MYLK: variants seen among roughly 807,000 people sequenced by gnomAD.
MYLK encodes the protein myosin light chain kinase.
Under a neutral mutation model 203.4 loss-of-function variants are expected in MYLK, and 106 were observed. The observed-to-expected ratio is 0.52, with a 90% CI of 0.45 to 0.61. The LOEUF (loss-of-function observed/expected upper bound fraction) is 0.61, where lower values mean the gene tolerates loss of function less well. Ranked by LOEUF, MYLK falls within the 20% of genes least tolerant of loss-of-function variation. The probability of loss-of-function intolerance (pLI) is 0.00; values close to 1 mark genes in which losing one functional copy is unlikely to be tolerated. For missense variants in MYLK, 2,072 were observed against 2,442.3 expected (o/e 0.85, Z 3.20); for synonymous variants, 867 against 959.5 (o/e 0.90, Z 1.78).
In MYLK at chr3:123,831,493, C is replaced by G. The variant is rs1030801619; in HGVS notation, c.-4+55G>C. 2.5e-6 allele frequency: 3 copies of G among 1,197,726 alleles called. No homozygotes were observed. The African/African-American group carries it at 4.7e-5, about 19-fold the overall frequency. The allele number at this position is 1,197,726 out of a possible 1,614,324, so 74.2% of individuals were successfully genotyped here. A position where few individuals can be genotyped will look rare whatever the true frequency, so the allele number is the denominator to read the frequency against. On this transcript the variant is annotated intron_variant, in intron 3 of 33. Coordinates refer to ENST00000360304, the MANE Select transcript of MYLK (RefSeq NM_053025.4). ...ACAGCTCCCCTCTCTGCAGCCTCCC[C>G]AGGGTGGACTGAGGAGGAATGGTCA... is the stretch of plus-strand genomic sequence containing the variant.
intron 4 of MYLK, among the ~76,000 whole-genome samples, chr3:123,787,073 A>G (rs1277405254): frequency 6.6e-6 from 1 of 152,226 alleles, no homozygotes; most frequent in Non-Finnish European, 1.5e-5. Context: ...ATACCTTTTT[A>G]AAAGGCCAAA....
intron 29 of MYLK, among the ~76,000 whole-genome samples, chr3:123,637,700 G>A (rs780731644): frequency 7.2e-5 from 11 of 152,084 alleles, no homozygotes; most frequent in Non-Finnish European, 1.3e-4. Flanking sequence ...TTCGCCCCTG[G>A]CCTCCTGCCC....
chr3:123,775,378 TG>T (rs2064034954), intron 4 of MYLK, among the ~76,000 whole-genome samples: 1 of 152,216 alleles, frequency 6.6e-6, no homozygotes, highest in African/African-American at 2.4e-5. Flanking sequence ...TTCAGGAAAG[TG>T]TGTGCATGCA....
Position 123,839,149 on chromosome 3 carries a change from G to A in MYLK, c.-126-7479C>T, listed in dbSNP as rs150873058. ...ATAAATACAAAGGCAAGCAGAAAAA[G>A]AGGATAAAAGGGACAAGAAAAAGAT... On this transcript the variant is annotated intron_variant, in intron 2 of 33. Transcript: ENST00000360304. Among the ~76,000 whole-genome samples the A allele has an allele frequency of 2.9e-3, 435 of 152,056 alleles. 1 individual carries two copies. Among genetic ancestry groups the A allele is most frequent in the African/African-American group, 0.01 (419 of 41,504 alleles).
chr3:123,826,142 C>T (rs1028058570), intron 3 of MYLK, among the ~76,000 whole-genome samples: 7 of 152,236 alleles, frequency 4.6e-5, no homozygotes, highest in Non-Finnish European at 8.8e-5. Context: ...AGCTTTGCAC[C>T]TGGGTCCCAA....
At chr3:123,681,959 G>T in intron 20 of MYLK, 1 of 523,376 alleles carries the variant, frequency 1.9e-6, no homozygotes, top group Non-Finnish European at 3.5e-6. Context: ...TTGGGCAGGG[G>T]AGGTAGATAG....
chr3:123,701,616 G>A (rs1306363871), intron 16 of MYLK, 107 bp from the exon 17 acceptor site: 11 of 1,152,474 alleles, frequency 9.5e-6, no homozygotes, highest in East Asian at 4.8e-5. Flanking sequence ...GATGGAAGTC[G>A]CCGGCTTGAC....
At chr3:123,820,644 CTCCTTCCTTCCTTCCTTCCCTCCT>C (rs2065898773) in intron 3 of MYLK, among the ~76,000 whole-genome samples, 2 of 26,064 alleles carry the variant, frequency 7.7e-5, no homozygotes, top group African/African-American at 2.0e-4. Context: ...CCTTCCTTCC[CTCCTTCCTTCCTTCCTTCCCTCCT>C]TCCTTCCTTC....
intron 1 of MYLK, among the ~76,000 whole-genome samples, chr3:123,879,497 T>C (rs2148727094): frequency 6.6e-6 from 1 of 152,292 alleles, no homozygotes; most frequent in South Asian, 2.1e-4. Context: ...CCCCTGAATT[T>C]CTTGTCATCC....
chr3:123,793,006 A>G (rs928032965), intron 4 of MYLK, among the ~76,000 whole-genome samples: 2 of 152,226 alleles, frequency 1.3e-5, no homozygotes, highest in Non-Finnish European at 2.9e-5. Context: ...TCATGCAAAA[A>G]GAATCATCCA....
chr3:123,815,876 C>T lies in MYLK; in HGVS notation c.-4+15672G>A, dbSNP rs114066876. 6.1e-3 allele frequency among the ~76,000 whole-genome samples: 935 copies of T among 152,328 alleles called. 10 individuals are homozygous for T. Among genetic ancestry groups the T allele is most frequent in the African/African-American group, 0.022 (901 of 41,576 alleles). On this transcript the variant is annotated intron_variant, in intron 3 of 33. Coordinates refer to ENST00000360304, the MANE Select transcript of MYLK (RefSeq NM_053025.4). ...TAATTAGAAGTTTGTTCATTCATCA[C>T]GTTTTTGAGAGCTTACTACCTGCCA...
At chr3:123,825,136 C>A (rs139996795) in intron 3 of MYLK, among the ~76,000 whole-genome samples, 101 of 147,114 alleles carry the variant, frequency 6.9e-4, no homozygotes, top group African/African-American at 1.7e-3. Flanking sequence ...CAGAGCAACA[C>A]CCTGTCTCAA....
At chr3:123,864,588 G>A (rs909453468) in intron 2 of MYLK, among the ~76,000 whole-genome samples, 1 of 152,088 alleles carries the variant, frequency 6.6e-6, no homozygotes, top group African/African-American at 2.4e-5. Context: ...TTTAAACTTT[G>A]CTGTATACTT....
chr3:123,848,272 C>T (rs1203494516), intron 2 of MYLK, among the ~76,000 whole-genome samples: 4 of 146,394 alleles, frequency 2.7e-5, no homozygotes, highest in Non-Finnish European at 1.5e-5. Flanking sequence ...AAAAGCCTTA[C>T]TAGGGTTTTA....
chr3:123,630,790 A>C (rs2058383246), intron 29 of MYLK: 1 of 152,178 alleles, frequency 6.6e-6, no homozygotes, highest in Non-Finnish European at 1.5e-5. Context: ...AAGCCAAATA[A>C]ACTTTATAAG....
At chr3:123,790,647 C>T (rs897709867) in intron 4 of MYLK, among the ~76,000 whole-genome samples, 4 of 152,192 alleles carry the variant, frequency 2.6e-5, no homozygotes, top group African/African-American at 9.6e-5. Flanking sequence ...GGAAATGGGG[C>T]AGAGTAGGCA....
rs1242418257 is a variant in MYLK at position 123,610,197 on chromosome 3, C to T, written c.*3908G>A. On this transcript the variant is annotated 3_prime_UTR_variant, in exon 34 of 34. Transcript: ENST00000360304. ...TCGAGCATTTGAAATGTAACTCATA[C>T]AACTGAGGAACTGAATTTTTTATTT... The T allele has an allele frequency of 6.6e-6, 1 of 152,064 alleles. No individual in the cohort carries two copies. Among genetic ancestry groups the T allele is most frequent in the African/African-American group, 2.4e-5 (1 of 41,390 alleles). The allele number at this position is 152,064 out of a possible 1,614,324, so 9.4% of individuals were successfully genotyped here. A position where few individuals can be genotyped will look rare whatever the true frequency, so the allele number is the denominator to read the frequency against.
intron 4 of MYLK, among the ~76,000 whole-genome samples, chr3:123,791,323 T>C (rs764486926): frequency 6.6e-6 from 1 of 152,242 alleles, no homozygotes; most frequent in Non-Finnish European, 1.5e-5. Context: ...AACTTTTCAC[T>C]TCTTTGAGGT....
chr3:123,707,794 C>G lies in MYLK; in HGVS notation c.2350G>C (p.Val784Leu), dbSNP rs779637665. 1 of 1,614,090 alleles carries G rather than the reference C, an allele frequency of 6.2e-7. No homozygotes were observed. Among genetic ancestry groups the G allele is most frequent in the African/African-American group, 1.3e-5 (1 of 74,932 alleles). ...TACTGGCCGGCATGCCAGGGCTGCA[C>G]CTTCTTTAGAACCAGGGTGAACACG... ...EDVFTLVLKK[V>L]QPWHAGQYEI... Residue 784 changes from valine to leucine, a missense_variant, in exon 16 of 34, where the codon GTG (valine) becomes CTG (leucine). Coordinates refer to ENST00000360304, the MANE Select transcript of MYLK (RefSeq NM_053025.4).
Sources: gnomAD v4.1 joint callset for allele counts (sites outside exome capture counted in the v4.1 genomes callset) on GRCh38, gnomAD v4.1.1 for gene constraint, MANE v1.5 for transcripts, NCBI Gene and HGNC (gene_info 2026-07-23, HGNC 2026-07-21) for gene names.